PNOC: variants seen among roughly 807,000 people sequenced by gnomAD.
PNOC encodes the protein prepronociceptin.
In PNOC, 10 loss-of-function variants were observed where a neutral mutation model predicts 15.6. The observed-to-expected ratio is 0.64, with a 90% CI of 0.40 to 1.09. PNOC has a LOEUF of 1.09. PNOC is among the 50% of genes least tolerant of loss of function. The pLI is 0.01. For synonymous variants in PNOC, 98 were observed against 88.5 expected (o/e 1.11, Z -0.60); for missense variants, 220 against 223.9 (o/e 0.98, Z 0.11).
chr8:28,318,675 T>G (rs1177361814), intron 1 of PNOC, among the ~76,000 whole-genome samples: 3 of 152,220 alleles, frequency 2.0e-5, no homozygotes, highest in Non-Finnish European at 4.4e-5. Context: ...TGCTGAGTCT[T>G]CTGCAGAGGA....
intron 2 of PNOC, among the ~76,000 whole-genome samples, chr8:28,333,225 A>G (rs1037017285): frequency 2.6e-5 from 4 of 152,068 alleles, no homozygotes; most frequent in South Asian, 2.1e-4. Context: ...TTCATCCCCA[A>G]TGGGTTCATA....
chr8:28,334,202 T>A (rs1479115062), intron 2 of PNOC, among the ~76,000 whole-genome samples: 1 of 152,190 alleles, frequency 6.6e-6, no homozygotes, highest in Non-Finnish European at 1.5e-5. Flanking sequence ...AGGATTCTGA[T>A]CTGAAAGAAT....
At chr8:28,325,002 G>T (rs1207623693) in intron 1 of PNOC, among the ~76,000 whole-genome samples, 2 of 152,154 alleles carry the variant, frequency 1.3e-5, no homozygotes, top group African/African-American at 2.4e-5. Context: ...TCTGAGATAG[G>T]TACTAATTTC....
chr8:28,330,386 A>ATTTTTT (rs1365236960), intron 2 of PNOC, among the ~76,000 whole-genome samples: 46 of 59,824 alleles, frequency 7.7e-4, no homozygotes, highest in South Asian at 1.9e-3. Flanking sequence ...ATTTTATTTT[A>ATTTTTT]TTTTATTTTA....
intron 2 of PNOC, 92 bp from the exon 3 acceptor site, chr8:28,338,948 T>G (rs1445142234): frequency 1.9e-5 from 24 of 1,240,018 alleles, no homozygotes; most frequent in Non-Finnish European, 2.5e-5. Context: ...CAGAAGCACT[T>G]GCACTGGTGC....
chr8:28,323,947 C>T (rs1801185424), intron 1 of PNOC, among the ~76,000 whole-genome samples: 1 of 152,204 alleles, frequency 6.6e-6, no homozygotes, highest in African/African-American at 2.4e-5. Context: ...CTCCATTTTG[C>T]AGATTCTGTG....
chr8:28,326,085 C>T (rs1380528755), intron 1 of PNOC, among the ~76,000 whole-genome samples: 1 of 152,178 alleles, frequency 6.6e-6, no homozygotes, highest in Non-Finnish European at 1.5e-5. Flanking sequence ...GGTGCAGTGA[C>T]TTATGCCTGT....
chr8:28,339,827 C>T, intron 3 of PNOC: 1 of 170,494 alleles, frequency 5.9e-6, no homozygotes, highest in Non-Finnish European at 1.2e-5. Flanking sequence ...AGCAACCAGT[C>T]AGCTCACCTT....
At chr8:28,328,726 GA>G (rs1801267509) in intron 1 of PNOC, among the ~76,000 whole-genome samples, 1 of 152,180 alleles carries the variant, frequency 6.6e-6, no homozygotes, top group Non-Finnish European at 1.5e-5. Flanking sequence ...TATGAAAACT[GA>G]GGCTCAAAGT....
intron 1 of PNOC, among the ~76,000 whole-genome samples, chr8:28,328,059 CTTTTTTTTTTT>C (rs67204932): frequency 2.4e-5 from 2 of 82,060 alleles, no homozygotes; most frequent in Non-Finnish European, 4.4e-5. Context: ...CTCTCTCTCT[CTTTTTTTTTTT>C]TTTTTTTTTT....
chr8:28,330,396 A>ATTTTTTTTTTTTTTTTTTTTTTTT (rs67554549), intron 2 of PNOC, among the ~76,000 whole-genome samples: 23 of 80,414 alleles, frequency 2.9e-4, no homozygotes, highest in Non-Finnish European at 5.3e-4. Context: ...ATTTTATTTT[A>ATTTTTTTTTTTTTTTTTTTTTTTT]TTTTTTTTTT....
rs34876964 is a variant in PNOC at position 28,320,092 on chromosome 8, C to CTTTTTTTTTTT, written c.-24+2795_-24+2805dup. Among the ~76,000 whole-genome samples, 35 of 29,726 alleles carry CTTTTTTTTTTT rather than the reference C, an allele frequency of 1.2e-3. 5 individuals carry two copies. Among genetic ancestry groups the CTTTTTTTTTTT allele is most frequent in the South Asian group, 3.7e-3 (2 of 534 alleles). The allele number at this position is 29,726 out of a possible 152,430, so 19.5% of individuals were successfully genotyped here. ...TGTTTGTTTCTTTCTTTCTTTCTTTCTTTTTTTTTTTTTTTTTTTTTTTTT... is the reference window on the plus strand; with the variant it reads ...TGTTTGTTTCTTTCTTTCTTTCTTTCTTTTTTTTTTTTTTTTTTTTTTTTTTTTTTTTTTTT... On this transcript the variant is annotated intron_variant, in intron 1 of 3. Transcript: ENST00000301908.
At chr8:28,336,889 T>C (rs1001313146) in intron 2 of PNOC, among the ~76,000 whole-genome samples, 1 of 151,762 alleles carries the variant, frequency 6.6e-6, no homozygotes, top group African/African-American at 2.4e-5. Flanking sequence ...GGAAAAGATA[T>C]GCCCAGGGTT....
rs556788041 is a variant in PNOC, at chr8:28,329,321, C to T, written c.126+38C>T. The stretch of plus-strand genomic sequence containing the variant: ...GGCAAGGCAGAGAGGCTGTCCTCCT[C>T]CCTGACTACCTCCTCCCTCCCTACT... On this transcript the variant is annotated intron_variant, in intron 2 of 3. Coordinates refer to ENST00000301908, the MANE Select transcript of PNOC (RefSeq NM_006228.5). The T allele has an allele frequency of 5.6e-6, 9 of 1,607,192 alleles. No homozygotes were observed. In the African/African-American group the frequency reaches 8.0e-5, roughly 14 times the overall value.
intron 2 of PNOC, among the ~76,000 whole-genome samples, chr8:28,332,633 A>T (rs1054610293): frequency 7.2e-5 from 11 of 152,162 alleles, no homozygotes; most frequent in Admixed American, 2.0e-4. Flanking sequence ...CCCAAGAAAG[A>T]GTGTGGGGAA....
intron 1 of PNOC, among the ~76,000 whole-genome samples, chr8:28,322,970 T>C (rs1801172884): frequency 6.6e-6 from 1 of 152,232 alleles, no homozygotes; most frequent in South Asian, 2.1e-4. Context: ...GAATATTCTC[T>C]ACATGTGGTT....
intron 1 of PNOC, among the ~76,000 whole-genome samples, chr8:28,320,700 A>C (rs1174042641): frequency 4.0e-5 from 6 of 151,672 alleles, no homozygotes; most frequent in Non-Finnish European, 4.4e-5. Flanking sequence ...AATACAAAAA[A>C]ATTCTCTGGG....
intron 2 of PNOC, among the ~76,000 whole-genome samples, chr8:28,337,819 C>T (rs1801439014): frequency 6.6e-6 from 1 of 151,682 alleles, no homozygotes; most frequent in African/African-American, 2.4e-5. Context: ...TCTCGATCTC[C>T]TGACCTCGTG....
At chr8:28,319,587 G>A (rs1037244763) in intron 1 of PNOC, among the ~76,000 whole-genome samples, 11 of 152,180 alleles carry the variant, frequency 7.2e-5, no homozygotes, top group Non-Finnish European at 1.6e-4. Context: ...GCTTGTCTAC[G>A]TGCTTATTTC....
Sources: allele counts gnomAD v4.1 joint callset (sites outside exome capture counted in the v4.1 genomes callset), GRCh38; gene constraint gnomAD v4.1.1; transcripts MANE v1.5; gene names NCBI Gene and HGNC (gene_info 2026-07-23, HGNC 2026-07-21).